The following WWTR1 variants were observed in gnomAD, a reference collection of about 807,000 sequenced individuals.
The protein encoded by WWTR1 is WW domain-containing transcription regulator protein 1.
A neutral mutation model predicts 40.1 loss-of-function variants in WWTR1; 13 were observed. That is an observed-to-expected ratio of 0.32 (90% CI 0.21 to 0.52). The LOEUF is 0.52. Among genes scored for constraint, WWTR1 ranks in the 20% least tolerant of loss-of-function variants. The pLI is 0.97. For missense variants in WWTR1, 436 were observed against 523.1 expected (o/e 0.83, Z 1.63); for synonymous variants, 230 against 210.1 (o/e 1.09, Z -0.82).
chr3:149,670,183 T>C (rs909126468), intron 1 of WWTR1, among the ~76,000 whole-genome samples: 1 of 152,202 alleles, frequency 6.6e-6, no homozygotes, highest in African/African-American at 2.4e-5. Context: ...CTGGTGAAGA[T>C]GTCAGCTCAC....
At chr3:149,623,363 CA>C (rs936983905) in intron 2 of WWTR1, among the ~76,000 whole-genome samples, 2 of 151,364 alleles carry the variant, frequency 1.3e-5, no homozygotes, top group Middle Eastern at 3.4e-3. Context: ...AACTACATCT[CA>C]AAAAAAAGAA....
chr3:149,559,499 A>G (rs115038718), intron 3 of WWTR1, among the ~76,000 whole-genome samples: 1 of 152,268 alleles, frequency 6.6e-6, no homozygotes, highest in African/African-American at 2.4e-5. Context: ...ACAATTAACA[A>G]AGGCAGATCT....
intron 4 of WWTR1, among the ~76,000 whole-genome samples, chr3:149,541,603 T>TC (rs1736103437): frequency 6.6e-6 from 1 of 151,734 alleles, no homozygotes; most frequent in African/African-American, 2.4e-5. Context: ...TGCTTGAATC[T>TC]CGGGGGGTTC....
rs947013075 is a variant in WWTR1, at chr3:149,637,556, A to G, written c.431+19320T>C. Among the ~76,000 whole-genome samples the G allele has an allele frequency of 4.6e-5, 7 of 152,278 alleles. No individual in the cohort carries two copies. In the East Asian group the frequency reaches 1.2e-3, roughly 25 times the overall value. On this transcript the variant is annotated intron_variant, in intron 2 of 6. Transcript: ENST00000360632. ...CATATTCAGTATTAACATTAATCTC[A>G]ATAAATATTCCCTAGTACCAATATG...
chr3:149,601,944 T>C (rs1398973991), intron 2 of WWTR1, among the ~76,000 whole-genome samples: 2 of 152,184 alleles, frequency 1.3e-5, no homozygotes, highest in Non-Finnish European at 2.9e-5. Context: ...TACATTATGC[T>C]TGAAGTTACA....
At chr3:149,694,141 C>T (rs960893760) in intron 1 of WWTR1, among the ~76,000 whole-genome samples, 1 of 152,222 alleles carries the variant, frequency 6.6e-6, no homozygotes, top group African/African-American at 2.4e-5. Flanking sequence ...CGCCTATAAT[C>T]CCAGCACTTT....
intron 4 of WWTR1, among the ~76,000 whole-genome samples, chr3:149,533,130 G>A (rs1735668736): frequency 6.6e-6 from 1 of 152,152 alleles, no homozygotes; most frequent in African/African-American, 2.4e-5. Context: ...GGTCCCCTCT[G>A]TGTCCACCCT....
At chr3:149,656,844 T>C in intron 2 of WWTR1, 32 bp downstream of exon 2, 1 of 1,499,246 alleles carries the variant, frequency 6.7e-7, no homozygotes, top group East Asian at 2.3e-5. Context: ...GCACTGTGAC[T>C]TGGTGCCTTC....
chr3:149,621,603 G>C (rs1271304838), intron 2 of WWTR1, among the ~76,000 whole-genome samples: 1 of 152,020 alleles, frequency 6.6e-6, no homozygotes, highest in African/African-American at 2.4e-5. Flanking sequence ...ATGATAGAAA[G>C]AAAAAATACA....
At chr3:149,661,977 C>T (rs982344168), upstream of WWTR1, among the ~76,000 whole-genome samples, 3 of 151,940 alleles carry the variant, frequency 2.0e-5, no homozygotes, top group South Asian at 2.1e-4. Context: ...GTGATCCACC[C>T]GCCTCCACCT....
chr3:149,583,776 C>T (rs763930117), intron 2 of WWTR1, among the ~76,000 whole-genome samples: 4 of 152,146 alleles, frequency 2.6e-5, no homozygotes, highest in Non-Finnish European at 4.4e-5. Context: ...GCCTGTAATA[C>T]CTAGGCCCTC....
chr3:149,673,934 G>A (rs1714176566), intron 1 of WWTR1, among the ~76,000 whole-genome samples: 1 of 152,014 alleles, frequency 6.6e-6, no homozygotes, highest in Non-Finnish European at 1.5e-5. Context: ...GAATTTGGCT[G>A]GATATGATGG....
chr3:149,629,532 C>T (rs1396413174), intron 2 of WWTR1, among the ~76,000 whole-genome samples: 3 of 152,140 alleles, frequency 2.0e-5, no homozygotes, highest in African/African-American at 7.2e-5. Context: ...TTTGCCATTT[C>T]GAAATCTGAG....
chr3:149,664,196 T>C (rs560188261), intron 2 of WWTR1, among the ~76,000 whole-genome samples: 1 of 152,328 alleles, frequency 6.6e-6, no homozygotes, highest in Non-Finnish European at 1.5e-5. Flanking sequence ...GCTGAACCAG[T>C]ATGGAGAAAA....
rs532523879 is a variant in WWTR1 at position 149,723,795 on chromosome 3, C to G, written n.459+285G>C. 5.3e-5 allele frequency among the ~76,000 whole-genome samples: 8 copies of G among 152,294 alleles called. No individual in the cohort carries two copies. In the South Asian group the frequency reaches 1.7e-3, roughly 32 times the overall value. On this transcript the variant is annotated intron_variant and non_coding_transcript_variant, in intron 4 of 6. Coordinates refer to the WWTR1 transcript ENST00000474080. ...GCAACAATGGGGTAAAGTGCAACAA[C>G]AAAACCTGCTGCTTCTTTGCACCTT...
intron 3 of WWTR1, among the ~76,000 whole-genome samples, chr3:149,553,802 C>T (rs1736712212): frequency 6.6e-6 from 1 of 152,124 alleles, no homozygotes; most frequent in Admixed American, 6.5e-5. Flanking sequence ...TATGCGCCGT[C>T]CATGGCTTAA....
chr3:149,602,084 A>G (rs551235992), intron 2 of WWTR1, among the ~76,000 whole-genome samples: 1 of 152,330 alleles, frequency 6.6e-6, no homozygotes, highest in African/African-American at 2.4e-5. Context: ...ACCAGGTCCT[A>G]CTAGAAAAAC....
At chr3:149,521,037 T>C (rs766687384) in intron 6 of WWTR1, 48 bp from the exon 7 acceptor site, 6 of 1,525,714 alleles carry the variant, frequency 3.9e-6, no homozygotes, top group Non-Finnish European at 5.3e-6. Flanking sequence ...TTTTAGGCTC[T>C]TGAAGGAGGA....
intron 2 of WWTR1, among the ~76,000 whole-genome samples, chr3:149,609,296 C>T (rs905617986): frequency 2.6e-5 from 4 of 152,062 alleles, no homozygotes; most frequent in Non-Finnish European, 5.9e-5. Flanking sequence ...AATCGGATTA[C>T]CTACTAAAAG....
Sources: allele counts gnomAD v4.1 joint callset (sites outside exome capture counted in the v4.1 genomes callset), GRCh38; gene constraint gnomAD v4.1.1; transcripts MANE v1.5; gene names NCBI Gene and HGNC (gene_info 2026-07-23, HGNC 2026-07-21).